PRKN: variants seen among roughly 807,000 people sequenced by gnomAD.
PRKN encodes the protein E3 ubiquitin-protein ligase parkin.
In PRKN, 56 loss-of-function variants were observed where a neutral mutation model predicts 59.5. That is an observed-to-expected ratio of 0.94 (90% CI 0.76 to 1.18). PRKN has a LOEUF of 1.18. Ranked by LOEUF, PRKN falls within the 50% of genes most tolerant of loss-of-function variation. The probability of loss-of-function intolerance (pLI) is 0.00; values close to 1 mark genes in which losing one functional copy is unlikely to be tolerated. For synonymous variants in PRKN, 250 were observed against 222.1 expected (o/e 1.13, Z -1.12); for missense variants, 657 against 596.4 (o/e 1.10, Z -1.06).
At chr6:161,853,437 T>C (rs1051242365) in intron 6 of PRKN, among the ~76,000 whole-genome samples, 6 of 152,340 alleles carry the variant, frequency 3.9e-5, no homozygotes, top group South Asian at 2.1e-4. Flanking sequence ...AGAATAAGTT[T>C]AGACAATTAC....
At chr6:162,143,103 C>T (rs1380054434) in intron 4 of PRKN, among the ~76,000 whole-genome samples, 1 of 152,172 alleles carries the variant, frequency 6.6e-6, no homozygotes, top group Non-Finnish European at 1.5e-5. Flanking sequence ...GCAGAGGCCA[C>T]TAGCTAGTTG....
intron 9 of PRKN, among the ~76,000 whole-genome samples, chr6:161,521,833 C>T (rs1217195482): frequency 1.3e-5 from 2 of 152,154 alleles, no homozygotes; most frequent in East Asian, 1.9e-4. Flanking sequence ...TAGGCCTCTT[C>T]CAGACAAGCC....
chr6:162,474,138 G>C (rs957001238), intron 1 of PRKN, among the ~76,000 whole-genome samples: 8 of 152,178 alleles, frequency 5.3e-5, no homozygotes, highest in Non-Finnish European at 1.0e-4. Flanking sequence ...CTTATTATCT[G>C]AGAGAACAAA....
At chr6:162,681,817 T>C (rs1779779960) in intron 1 of PRKN, among the ~76,000 whole-genome samples, 1 of 152,164 alleles carries the variant, frequency 6.6e-6, no homozygotes, top group African/African-American at 2.4e-5. Context: ...AAGAATATTC[T>C]CTATTTGGGT....
intron 7 of PRKN, among the ~76,000 whole-genome samples, chr6:161,574,324 A>G (rs1434968254): frequency 6.6e-6 from 1 of 152,148 alleles, no homozygotes; most frequent in Non-Finnish European, 1.5e-5. Flanking sequence ...CAGAGAGGAA[A>G]ACATGGGCCT....
At chr6:162,346,230 T>C (rs1361083934) in intron 2 of PRKN, among the ~76,000 whole-genome samples, 3 of 152,142 alleles carry the variant, frequency 2.0e-5, no homozygotes, top group East Asian at 3.9e-4. Flanking sequence ...TCATAATGAA[T>C]ATAATCGTGT....
At chr6:162,441,919 G>A (rs1078259) in intron 2 of PRKN, among the ~76,000 whole-genome samples, 36,860 of 151,926 alleles carry the variant, frequency 0.24, 4,511 homozygotes, top group African/African-American at 0.26. Context: ...GATTCAAGGA[G>A]CTGTTTTAAA....
chr6:162,565,354 A>G (rs1428325301), intron 1 of PRKN, among the ~76,000 whole-genome samples: 1 of 152,152 alleles, frequency 6.6e-6, no homozygotes, highest in African/African-American at 2.4e-5. Context: ...ACGAGAAAAC[A>G]AATAACAAAA....
At position 162,436,176 on chromosome 6, in the gene PRKN, CAAAAAAAAAA is replaced by C. The variant is rs35792526; in HGVS notation, c.171+7124_171+7133del. 1.7e-3 allele frequency among the ~76,000 whole-genome samples: 91 copies of C among 54,696 alleles called. 1 individual carries two copies. Among genetic ancestry groups the C allele is most frequent in the Middle Eastern group, 0.028 (1 of 36 alleles). 35.9% of individuals were successfully genotyped at this position (54,696 alleles called of 152,430 possible). On this transcript the variant is annotated intron_variant, in intron 2 of 11. Transcript: ENST00000366898. ...AGGCGACAGAGTAAGACTCCATCTCCAAAAAAAAAAAAAAAAAAAAAAAAAAAATTTGAAT... is the reference window on the plus strand; with the variant it reads ...AGGCGACAGAGTAAGACTCCATCTCCAAAAAAAAAAAAAAAAAATTTGAAT...
At chr6:162,186,334 A>G (rs893129444) in intron 4 of PRKN, among the ~76,000 whole-genome samples, 1 of 150,196 alleles carries the variant, frequency 6.7e-6, no homozygotes, top group Non-Finnish European at 1.5e-5. Flanking sequence ...TAGCAGTTTT[A>G]GGCTCAAAGC....
At chr6:162,468,844 G>A (rs191506154) in intron 1 of PRKN, among the ~76,000 whole-genome samples, 2 of 152,104 alleles carry the variant, frequency 1.3e-5, no homozygotes, top group African/African-American at 4.8e-5. Context: ...TATATTGGAT[G>A]GATATATACA....
At chr6:162,021,045 G>A (rs1783127921) in intron 5 of PRKN, among the ~76,000 whole-genome samples, 1 of 147,808 alleles carries the variant, frequency 6.8e-6, no homozygotes, top group African/African-American at 2.5e-5. Flanking sequence ...GGAAGTTGCA[G>A]TGAGTCGAGA....
intron 7 of PRKN, chr6:161,716,277 A>G: frequency 4.6e-6 from 2 of 430,704 alleles, no homozygotes; most frequent in Non-Finnish European, 9.1e-6. Flanking sequence ...ATGAGGAGGA[A>G]CTAGAGGCAT....
chr6:161,680,726 C>CATACATATATATATATAT (rs1785285558), intron 7 of PRKN, among the ~76,000 whole-genome samples: 3 of 51,038 alleles, frequency 5.9e-5, no homozygotes, highest in Admixed American at 6.7e-4. Flanking sequence ...TCCTGAAATA[C>CATACATATATATATATAT]ATATATATAT....
At chr6:161,650,383 A>C (rs2076701) in intron 7 of PRKN, among the ~76,000 whole-genome samples, 1 of 151,660 alleles carries the variant, frequency 6.6e-6, no homozygotes, top group Non-Finnish European at 1.5e-5. Flanking sequence ...TTTAGTGCCT[A>C]AATGTCTTAG....
intron 3 of PRKN, among the ~76,000 whole-genome samples, chr6:162,243,660 A>G (rs1036322794): frequency 6.6e-6 from 1 of 152,162 alleles, no homozygotes; most frequent in Non-Finnish European, 1.5e-5. Context: ...AAAGAATGCA[A>G]AAATTAATAT....
chr6:162,722,941 C>T (rs1219215868), intron 1 of PRKN, among the ~76,000 whole-genome samples: 1 of 152,130 alleles, frequency 6.6e-6, no homozygotes, highest in East Asian at 1.9e-4. Context: ...CTATTTTTGA[C>T]ACAATTTTAC....
At chr6:162,590,251 G>C (rs991124373) in intron 1 of PRKN, among the ~76,000 whole-genome samples, 1 of 152,150 alleles carries the variant, frequency 6.6e-6, no homozygotes, top group Admixed American at 6.5e-5. Flanking sequence ...ATGTCTAATA[G>C]TAATATATTT....
intron 5 of PRKN, among the ~76,000 whole-genome samples, chr6:162,034,710 T>G (rs1238194258): frequency 6.6e-6 from 1 of 152,210 alleles, no homozygotes; most frequent in Non-Finnish European, 1.5e-5. Flanking sequence ...TCATTCCAAT[T>G]GAAACCTACT....
Sources: gnomAD v4.1 joint callset for allele counts (sites outside exome capture counted in the v4.1 genomes callset) on GRCh38, gnomAD v4.1.1 for gene constraint, MANE v1.5 for transcripts, NCBI Gene and HGNC (gene_info 2026-07-23, HGNC 2026-07-21) for gene names.